The following MCRS1 variants were observed in gnomAD, a reference collection of about 807,000 sequenced individuals.
The protein encoded by MCRS1 is microspherule protein 1, also known as 58 kDa microspherule protein.
In MCRS1, 22 loss-of-function variants were observed where a neutral mutation model predicts 62.9. The observed-to-expected ratio is 0.35, with a 90% CI of 0.25 to 0.50. The LOEUF (loss-of-function observed/expected upper bound fraction) is 0.50. MCRS1 is among the 20% of genes least tolerant of loss of function. The pLI is 0.98. For synonymous variants in MCRS1, 244 were observed against 233.5 expected, an observed-to-expected ratio of 1.04 and a Z score of -0.41; for missense variants, 456 against 601.1, an observed-to-expected ratio of 0.76 and a Z score of 2.52.
intron 4 of MCRS1, chr12:49,565,128 G>A (rs73305008): frequency 0.13 from 123,887 of 985,112 alleles, 11,131 homozygotes; most frequent in African/African-American, 0.45. Context: ...CTCTTTGCTG[G>A]CAGTATCCCC....
Position 49,559,765 on chromosome 12 carries a change from G to A in MCRS1, c.967C>T (p.Leu323=), listed in dbSNP as rs1354902890. Residue 323 remains leucine, a synonymous_variant, in exon 11 of 15, where the codon CTG becomes TTG. Transcript: ENST00000343810. This position sits in a 1 kb window ranked among gnomAD's most constrained non-coding sequence, Gnocchi z 5.2. ...TCCACTAGCACCTGCCACTTATGCA[G>A]TTCCTGTTCCAGCTGCCGAATCTCT... ...KREIRQLEQE[L]HKWQVLVDSI... is the part of the protein sequence containing the mutation. The A allele has an allele frequency of 2.5e-6, 4 of 1,614,232 alleles. No individual in the cohort carries two copies. The highest frequency in any genetic ancestry group is 3.4e-6 in the Non-Finnish European group (4 of 1,180,040).
chr12:49,567,190 T>G (rs988113406), intron 1 of MCRS1, among the ~76,000 whole-genome samples: 2 of 152,096 alleles, frequency 1.3e-5, no homozygotes, highest in African/African-American at 4.8e-5. Flanking sequence ...TTTTCTTTAC[T>G]TCAGCTGTCC....
chr12:49,565,171 C>T (rs1938990852), intron 4 of MCRS1: 5 of 985,416 alleles, frequency 5.1e-6, no homozygotes, highest in South Asian at 4.7e-5. Flanking sequence ...GGGGAGGATA[C>T]CGGGAAATCA....
intron 14 of MCRS1, 47 bp from the exon 15 acceptor site, chr12:49,558,776 C>T (rs1938589081): frequency 6.2e-7 from 1 of 1,613,470 alleles, no homozygotes. Flanking sequence ...GCACCAGGAC[C>T]AAGTTGGTGT....
At position 49,565,719 on chromosome 12, in the gene MCRS1, T is replaced by C. The variant is rs759972493; in HGVS notation, c.150-52A>G. 38 of 1,612,912 alleles carry C rather than the reference T, an allele frequency of 2.4e-5. No individual in the cohort carries two copies. The Admixed American group carries it at 5.7e-4, about 24-fold the overall frequency. On this transcript the variant is annotated intron_variant, in intron 3 of 14. Transcript: ENST00000343810. ...CTCCTTACCCCACCCTGGTACCCAT[T>C]CACACACCCCCAGCCCCCAAAAGAG...
intron 2 of MCRS1, chr12:49,566,423 C>T: frequency 6.3e-7 from 1 of 1,576,578 alleles, no homozygotes; most frequent in African/African-American, 1.3e-5. Flanking sequence ...GGCAGTTCCC[C>T]CGGTGCCACG....
chr12:49,559,719 G>A lies in MCRS1; in HGVS notation c.1003+10C>T. 1 of 1,613,902 alleles carries A rather than the reference G, an allele frequency of 6.2e-7. No homozygotes were observed. The highest frequency in any genetic ancestry group is 8.5e-7 in the Non-Finnish European group (1 of 1,179,876). ...GAAGAGTGAGCCTTCTGGTGCCCAG[G>A]CCTCCTCACCTGTGATGCTGTCCAC... On this transcript the variant is annotated intron_variant, in intron 11 of 14. Transcript: ENST00000343810. This position sits in a 1 kb window ranked among gnomAD's most constrained non-coding sequence, Gnocchi z 5.2.
intron 8 of MCRS1, 59 bp from the exon 9 acceptor site, chr12:49,560,429 C>A: frequency 6.6e-7 from 1 of 1,525,496 alleles, no homozygotes; most frequent in Non-Finnish European, 9.1e-7. Context: ...CGATGCTGAG[C>A]GGACCACTAA....
chr12:49,562,719 TG>T (rs1938834377), intron 8 of MCRS1, among the ~76,000 whole-genome samples: 1 of 152,222 alleles, frequency 6.6e-6, no homozygotes, highest in South Asian at 2.1e-4. Flanking sequence ...AAATATGTCA[TG>T]AAAAAAACAA....
chr12:49,560,065 T>C lies in MCRS1; in HGVS notation c.882-98A>G, dbSNP rs2288077. ...CCTGAGCCCCTTTAGCCAAGTGGCCTGGAAGGTGGTACATCAGGCCTTGGC... is the reference window on the plus strand; with the variant it reads ...CCTGAGCCCCTTTAGCCAAGTGGCCCGGAAGGTGGTACATCAGGCCTTGGC... On this transcript the variant is annotated intron_variant, in intron 9 of 14. Transcript: ENST00000343810. 5,292 of 1,508,018 alleles carry C rather than the reference T, an allele frequency of 3.5e-3. 158 individuals carry two copies. The East Asian group carries it at 0.072, about 20-fold the overall frequency. The allele number at this position is 1,508,018 out of a possible 1,614,324, so 93.4% of individuals were successfully genotyped here.
Position 49,559,459 on chromosome 12 carries a change from C to G in MCRS1, c.1080G>C (p.Ser360=). 6 of 1,613,846 alleles carry G rather than the reference C, an allele frequency of 3.7e-6. No homozygotes were observed. The highest frequency in any genetic ancestry group is 5.1e-6 in the Non-Finnish European group (6 of 1,180,026). Residue 360 remains serine (S), a synonymous_variant, in exon 12 of 15, where the codon TCG becomes TCC. Coordinates refer to ENST00000343810, the MANE Select transcript of MCRS1 (RefSeq NM_006337.5). The surrounding 1 kb of genome is among the most constrained non-coding windows in gnomAD (Gnocchi z 5.2). The stretch of plus-strand genomic sequence containing the variant: ...GGGGATGGGCCTGCCTCACCTCACG[C>G]GAGCGCATCAGGTACCGCACCATGC... The part of the protein sequence containing the change: ...RGRMVRYLMR[S]REITLGRATK...
chr12:49,566,833 G>C lies in MCRS1; in HGVS notation c.-102C>G, dbSNP rs757086411. The C allele has an allele frequency of 3.4e-6, 5 of 1,481,054 alleles. No homozygotes were observed. The highest frequency in any genetic ancestry group is 4.6e-6 in the Non-Finnish European group (5 of 1,081,502). 91.7% of individuals were successfully genotyped at this position (1,481,054 alleles called of 1,614,324 possible). On this transcript the variant is annotated 5_prime_UTR_variant, in exon 2 of 15. Coordinates refer to ENST00000343810, the MANE Select transcript of MCRS1 (RefSeq NM_006337.5). ...CTGACCAGGTGAGCTTAAAGGCTGAGAGGAGATTCTGCAAAGGAGAAATGA... is the reference window on the plus strand; with the variant it reads ...CTGACCAGGTGAGCTTAAAGGCTGACAGGAGATTCTGCAAAGGAGAAATGA...
intron 6 of MCRS1, 24 bp from the exon 7 acceptor site, chr12:49,563,570 G>A (rs766357891): frequency 9.5e-6 from 15 of 1,575,004 alleles, no homozygotes; most frequent in Non-Finnish European, 1.3e-5. Flanking sequence ...GAGACAGAGG[G>A]GAGGGGTGAA....
At chr12:49,562,569 G>A (rs1336166533) in intron 8 of MCRS1, among the ~76,000 whole-genome samples, 1 of 152,232 alleles carries the variant, frequency 6.6e-6, no homozygotes, top group African/African-American at 2.4e-5. Context: ...GAGAGGCAAA[G>A]AGCGGAAAAG....
In MCRS1 at chr12:49,559,642, G is replaced by A; in HGVS notation, c.1003+87C>T. ...AAGGGGGTCGGGGCCTGGGAAACGA[G>A]GGTCTCCCCAGCCAGGCAGCAACAG... On this transcript the variant is annotated intron_variant, in intron 11 of 14. Coordinates refer to ENST00000343810, the MANE Select transcript of MCRS1 (RefSeq NM_006337.5). This position sits in a 1 kb window ranked among gnomAD's most constrained non-coding sequence, Gnocchi z 5.2. 6.3e-7 allele frequency: 1 copy of A among 1,586,538 alleles called. No individual in the cohort carries two copies. The highest frequency in any genetic ancestry group is 8.6e-7 in the Non-Finnish European group (1 of 1,158,348).
chr12:49,566,490 G>T, intron 2 of MCRS1: 1 of 1,547,984 alleles, frequency 6.5e-7, no homozygotes, highest in Non-Finnish European at 8.7e-7. Context: ...GACACGCTGG[G>T]CTCTGGGCAT....
At chr12:49,562,755 C>T (rs1446930404) in intron 8 of MCRS1, among the ~76,000 whole-genome samples, 1 of 152,138 alleles carries the variant, frequency 6.6e-6, no homozygotes, top group Non-Finnish European at 1.5e-5. Flanking sequence ...TAGATAACTC[C>T]GCTATTTGGA....
At chr12:49,562,257 A>G (rs1938808129) in intron 8 of MCRS1, among the ~76,000 whole-genome samples, 1 of 152,284 alleles carries the variant, frequency 6.6e-6, no homozygotes, top group Non-Finnish European at 1.5e-5. Flanking sequence ...GGCAATGGGC[A>G]GTACTTTTAG....
Position 49,566,136 on chromosome 12 carries a change from C to T in MCRS1, c.90G>A (p.Gly30=). Residue 30 remains glycine, a synonymous_variant, in exon 3 of 15, where the codon GGG becomes GGA. Coordinates refer to ENST00000343810, the MANE Select transcript of MCRS1 (RefSeq NM_006337.5). ...SRSEDEESLA[G]QKRASSQALG... ...AGGCCTGGGAGGAGGCTCGCTTCTGCCCTGCCAGTGACTCCTCATCCTCTG... is the reference window on the plus strand; with the variant it reads ...AGGCCTGGGAGGAGGCTCGCTTCTGTCCTGCCAGTGACTCCTCATCCTCTG... The T allele has an allele frequency of 6.2e-7, 1 of 1,614,246 alleles. No homozygotes were observed. Among genetic ancestry groups the T allele is most frequent in the Non-Finnish European group, 8.5e-7 (1 of 1,180,038 alleles).
Sources: allele counts gnomAD v4.1 joint callset (sites outside exome capture counted in the v4.1 genomes callset), GRCh38; gene constraint gnomAD v4.1.1; non-coding constraint Gnocchi (gnomAD v3.1); transcripts MANE v1.5; gene names NCBI Gene and HGNC (gene_info 2026-07-23, HGNC 2026-07-21).